The following LGSN variants were observed in gnomAD, a reference collection of about 807,000 sequenced individuals.
The protein encoded by LGSN is lengsin.
A neutral mutation model predicts 19.5 loss-of-function variants in LGSN; 21 were observed. The observed-to-expected ratio is 1.07, with a 90% CI of 0.76 to 1.55. LGSN has a LOEUF of 1.55. Ranked by LOEUF, LGSN falls within the 40% of genes most tolerant of loss-of-function variation. The pLI is 0.00. For missense variants in LGSN, 673 were observed against 608.5 expected, an observed-to-expected ratio of 1.11 and a Z score of -1.12; for synonymous variants, 257 against 215.6, an observed-to-expected ratio of 1.19 and a Z score of -1.68.
the LGSN span, among the ~76,000 whole-genome samples, chr6:63,509,372 C>T: frequency 1.6e-5 from 2 of 126,368 alleles, no homozygotes; most frequent in East Asian, 2.2e-4. Context: ...GCCAAAAATA[C>T]TATTTTTTAA....
chr6:63,515,832 C>T, the LGSN span, among the ~76,000 whole-genome samples: 3 of 151,882 alleles, frequency 2.0e-5, no homozygotes, highest in Non-Finnish European at 4.4e-5. Context: ...GGAAGGGAGG[C>T]CTAGTTCATA....
At chr6:63,343,377 GAAGAGTC>G in the LGSN span, among the ~76,000 whole-genome samples, 1 of 152,170 alleles carries the variant, frequency 6.6e-6, no homozygotes, top group Non-Finnish European at 1.5e-5. Context: ...TTATAAAACA[GAAGAGTC>G]AAAAAATGTA....
the LGSN span, among the ~76,000 whole-genome samples, chr6:63,403,168 G>A: frequency 0.12 from 17,497 of 152,032 alleles, 2,010 homozygotes; most frequent in African/African-American, 0.3. Flanking sequence ...TAATATAGGT[G>A]ATAAATATGG....
chr6:63,475,314 C>A, the LGSN span, among the ~76,000 whole-genome samples: 137 of 99,176 alleles, frequency 1.4e-3, no homozygotes, highest in African/African-American at 1.9e-3. Flanking sequence ...ATAGATCTGC[C>A]AAAAAAAAAA....
chr6:63,442,120 T>C, the LGSN span, among the ~76,000 whole-genome samples: 1 of 152,132 alleles, frequency 6.6e-6, no homozygotes, highest in Non-Finnish European at 1.5e-5. Context: ...CTGGAGTTGT[T>C]TGTTCCTCAT....
At chr6:63,465,469 A>G in the LGSN span, among the ~76,000 whole-genome samples, 1 of 152,190 alleles carries the variant, frequency 6.6e-6, no homozygotes, top group Non-Finnish European at 1.5e-5. Context: ...GGCATGAGCC[A>G]CCATGCTCAG....
At chr6:63,327,137 G>C in the LGSN span, among the ~76,000 whole-genome samples, 5 of 152,206 alleles carry the variant, frequency 3.3e-5, no homozygotes, top group Admixed American at 3.3e-4. Flanking sequence ...TCCTTCAGAG[G>C]GGAACTCTCT....
intron 1 of LGSN, among the ~76,000 whole-genome samples, chr6:63,308,598 C>A (rs566734233): frequency 6.8e-6 from 1 of 147,360 alleles, no homozygotes; most frequent in Admixed American, 6.9e-5. Flanking sequence ...TAACAGTTAC[C>A]TTTTTAATGT....
At chr6:63,535,832 T>C in the LGSN span, among the ~76,000 whole-genome samples, 1 of 152,174 alleles carries the variant, frequency 6.6e-6, no homozygotes, top group Non-Finnish European at 1.5e-5. Context: ...TCCAGCACTT[T>C]TTTATTTTTT....
chr6:63,476,100 G>T, the LGSN span, among the ~76,000 whole-genome samples: 6 of 151,720 alleles, frequency 4.0e-5, no homozygotes, highest in East Asian at 3.9e-4. Context: ...TTGTTTTTTG[G>T]TTTTTTTTAC....
At chr6:63,316,288 T>C (rs566612490) in intron 1 of LGSN, among the ~76,000 whole-genome samples, 2 of 152,306 alleles carry the variant, frequency 1.3e-5, no homozygotes, top group African/African-American at 4.8e-5. Flanking sequence ...ATGTAAATGA[T>C]ATAGCTGCTC....
chr6:63,542,321 A>G, the LGSN span, among the ~76,000 whole-genome samples: 2 of 152,004 alleles, frequency 1.3e-5, no homozygotes, highest in Admixed American at 1.3e-4. Context: ...AATTGAGTGC[A>G]GTGTATACTG....
the LGSN span, among the ~76,000 whole-genome samples, chr6:63,334,525 AC>A: frequency 6.6e-6 from 1 of 152,212 alleles, no homozygotes; most frequent in Non-Finnish European, 1.5e-5. Flanking sequence ...AGTGAAAATG[AC>A]CACACTGCCC....
At chr6:63,330,669 A>T in the LGSN span, among the ~76,000 whole-genome samples, 1 of 152,160 alleles carries the variant, frequency 6.6e-6, no homozygotes, top group African/African-American at 2.4e-5. Flanking sequence ...ACAAGTCAAC[A>T]GATGTTTACA....
the LGSN span, among the ~76,000 whole-genome samples, chr6:63,423,036 C>G: frequency 6.6e-6 from 1 of 152,018 alleles, no homozygotes; most frequent in Non-Finnish European, 1.5e-5. Flanking sequence ...AGAAGAGTGG[C>G]TAAACTAATA....
At chr6:63,443,251 C>T in the LGSN span, among the ~76,000 whole-genome samples, 9 of 152,322 alleles carry the variant, frequency 5.9e-5, no homozygotes, top group Non-Finnish European at 8.8e-5. Context: ...CGGGGCCTGC[C>T]GAGCCCGCGC....
the LGSN span, among the ~76,000 whole-genome samples, chr6:63,325,658 C>CAG: frequency 2.0e-5 from 3 of 152,166 alleles, no homozygotes; most frequent in Admixed American, 2.0e-4. Context: ...CGCAGACCCT[C>CAG]ACGGTGAGTG....
At chr6:63,281,334 A>AT (rs36106495) in intron 3 of LGSN, 114 bp from the exon 4 acceptor site, 3 of 116,426 alleles carry the variant, frequency 2.6e-5, no homozygotes, top group African/African-American at 6.0e-5. Context: ...TATATATAAT[A>AT]AATATATATA....
chr6:63,280,316 G>A lies in LGSN; in HGVS notation c.1235C>T (p.Ala412Val), dbSNP rs1767245189. 2 of 1,614,072 alleles carry A rather than the reference G, an allele frequency of 1.2e-6. No homozygotes were observed. Among genetic ancestry groups the A allele is most frequent in the African/African-American group, 1.3e-5 (1 of 74,924 alleles). ...GTRIENKLGS[A>V]TANPYLVLAA... ...CAGCACCAAGTAAGGGTTTGCTGTT[G>A]CTGAGCCTAGTTTATTTTCTATCCG... The change falls in exon 4 of 4, where the codon GCA (alanine) becomes GTA (valine). Residue 412 changes from alanine (A) to valine (V), a missense_variant. By Grantham distance (64) the Ala-to-Val change is moderately conservative (BLOSUM62 0). Transcript: ENST00000370657.
Sources: gnomAD v4.1 joint callset for allele counts (sites outside exome capture counted in the v4.1 genomes callset) on GRCh38, gnomAD v4.1.1 for gene constraint, MANE v1.5 for transcripts, NCBI Gene and HGNC (gene_info 2026-07-23, HGNC 2026-07-21) for gene names.